Variants in RBFOX1 observed in about 807,000 individuals in gnomAD.
RBFOX1 encodes RNA binding fox-1 homolog 1, also known as RNA binding protein fox-1 homolog 1.
RBFOX1 carries 8 observed loss-of-function variants against 57.7 expected under a neutral mutation model. The ratio of observed to expected loss-of-function variants is 0.14; its 90% CI spans 0.08 to 0.25. The LOEUF (loss-of-function observed/expected upper bound fraction) is 0.25, where lower values mean the gene tolerates loss of function less well. RBFOX1 is among the 10% of genes least tolerant of loss of function. The probability of loss-of-function intolerance (pLI) is 1.00; values close to 1 mark genes in which losing one functional copy is unlikely to be tolerated. For missense variants in RBFOX1, 611 were observed against 548.5 expected (o/e 1.11, Z -1.14); for synonymous variants, 326 against 222.4 (o/e 1.47, Z -4.15).
intron 5 of RBFOX1, among the ~76,000 whole-genome samples, chr16:7,547,604 T>G (rs1299643028): frequency 2.0e-5 from 3 of 152,232 alleles, no homozygotes; most frequent in African/African-American, 7.2e-5. Flanking sequence ...CTGGCAGTGT[T>G]AGAATCAGGA....
intron 3 of RBFOX1, among the ~76,000 whole-genome samples, chr16:6,947,545 C>T (rs1330495317): frequency 6.6e-6 from 1 of 152,196 alleles, no homozygotes; most frequent in Non-Finnish European, 1.5e-5. Context: ...CCTCCTGAAA[C>T]ATGAATGGAC....
intron 4 of RBFOX1, among the ~76,000 whole-genome samples, chr16:7,370,522 C>T (rs996035042): frequency 1.7e-4 from 26 of 152,136 alleles, no homozygotes; most frequent in Admixed American, 9.2e-4. Context: ...TCTTCCCCCA[C>T]GCTCCCTCCC....
intron 10 of RBFOX1, 62 bp from the exon 11 acceptor site, chr16:7,630,541 G>T (rs1324446178): frequency 1.1e-5 from 18 of 1,605,462 alleles, no homozygotes; most frequent in East Asian, 2.2e-5. Context: ...GCATTGCCGT[G>T]ATCTCTCAGG....
At chr16:6,001,066 C>T (rs1238508799) in intron 4 of RBFOX1, among the ~76,000 whole-genome samples, 1 of 152,020 alleles carries the variant, frequency 6.6e-6, no homozygotes, top group East Asian at 1.9e-4. Context: ...GGTTGATGGA[C>T]AGATGGGTAG....
intron 4 of RBFOX1, among the ~76,000 whole-genome samples, chr16:7,392,979 T>G (rs2098066369): frequency 6.6e-6 from 1 of 152,128 alleles, no homozygotes; most frequent in Non-Finnish European, 1.5e-5. Context: ...GTTCCAGTGA[T>G]TTTCCTGCTT....
chr16:6,269,210 T>C (rs1263409858), intron 1 of RBFOX1, among the ~76,000 whole-genome samples: 2 of 152,328 alleles, frequency 1.3e-5, no homozygotes, highest in Non-Finnish European at 2.9e-5. Flanking sequence ...CTGTCTGATG[T>C]GATTGGTGAA....
intron 4 of RBFOX1, among the ~76,000 whole-genome samples, chr16:7,234,644 GTGTT>G (rs1323591639): frequency 3.4e-5 from 5 of 147,466 alleles, no homozygotes; most frequent in Middle Eastern, 3.3e-3. Flanking sequence ...GTATATGTGT[GTGTT>G]TGTGTGTATG....
chr16:5,554,729 G>C (rs2045604513), intron 2 of RBFOX1, among the ~76,000 whole-genome samples: 1 of 152,036 alleles, frequency 6.6e-6, no homozygotes, highest in African/African-American at 2.4e-5. Context: ...AACGTCTCAG[G>C]GATTATGAAT....
At chr16:6,399,970 C>T (rs2093002718) in intron 2 of RBFOX1, among the ~76,000 whole-genome samples, 1 of 152,224 alleles carries the variant, frequency 6.6e-6, no homozygotes, top group African/African-American at 2.4e-5. Flanking sequence ...GGGTAGCCAG[C>T]CCCACAATTC....
chr16:5,938,870 T>C, intron 4 of RBFOX1, among the ~76,000 whole-genome samples: 1 of 152,158 alleles, frequency 6.6e-6, no homozygotes, highest in Non-Finnish European at 1.5e-5. Context: ...AGAAAATAAA[T>C]GGTTATTGTT....
intron 1 of RBFOX1, among the ~76,000 whole-genome samples, chr16:6,225,278 C>G (rs1039596012): frequency 3.3e-5 from 5 of 151,996 alleles, no homozygotes; most frequent in East Asian, 1.9e-4. Flanking sequence ...AGCTTGGTAT[C>G]AAAAGCTGCA....
At chr16:7,399,739 CT>C (rs35401462) in intron 4 of RBFOX1, among the ~76,000 whole-genome samples, 119,580 of 151,950 alleles carry the variant, frequency 0.79, 47,196 homozygotes, top group Admixed American at 0.82. Flanking sequence ...ATATCAAGAT[CT>C]TTTAACTTGA....
At chr16:6,747,945 T>C (rs564772015) in intron 3 of RBFOX1, among the ~76,000 whole-genome samples, 9 of 152,336 alleles carry the variant, frequency 5.9e-5, no homozygotes, top group African/African-American at 1.9e-4. Context: ...ATCATGAGGA[T>C]TGGCCTTTGT....
intron 2 of RBFOX1, among the ~76,000 whole-genome samples, chr16:6,643,803 C>T (rs1474725840): frequency 6.8e-6 from 1 of 147,304 alleles, no homozygotes; most frequent in Admixed American, 7.0e-5. Context: ...TGAACTTATT[C>T]TCAAAATCTG....
intron 14 of RBFOX1, among the ~76,000 whole-genome samples, chr16:7,682,259 T>C (rs1431557495): frequency 6.6e-6 from 1 of 152,184 alleles, no homozygotes; most frequent in Non-Finnish European, 1.5e-5. Context: ...ATTTGCAGTC[T>C]CTGAGAAATC....
intron 4 of RBFOX1, among the ~76,000 whole-genome samples, chr16:7,090,937 G>A (rs1029724540): frequency 4.6e-5 from 7 of 152,076 alleles, no homozygotes; most frequent in Non-Finnish European, 7.4e-5. Flanking sequence ...ATTTAATTCC[G>A]CCAGGATTAG....
At chr16:6,767,351 GC>G (rs901739846) in intron 3 of RBFOX1, among the ~76,000 whole-genome samples, 15 of 152,014 alleles carry the variant, frequency 9.9e-5, no homozygotes, top group African/African-American at 3.6e-4. Context: ...CCATTTCTCT[GC>G]CCCCCTGAGA....
At chr16:6,047,513 C>T (rs1480645140) in intron 1 of RBFOX1, among the ~76,000 whole-genome samples, 1 of 152,198 alleles carries the variant, frequency 6.6e-6, no homozygotes, top group African/African-American at 2.4e-5. Context: ...GGGTGATGAG[C>T]ATGCAATGCC....
intron 3 of RBFOX1, among the ~76,000 whole-genome samples, chr16:6,758,338 C>T (rs935746690): frequency 2.6e-5 from 4 of 152,088 alleles, no homozygotes; most frequent in Non-Finnish European, 5.9e-5. Flanking sequence ...TAAACCACGA[C>T]ATAATAGATT....
Sources: allele counts gnomAD v4.1 joint callset (sites outside exome capture counted in the v4.1 genomes callset), GRCh38; gene constraint gnomAD v4.1.1; transcripts MANE v1.5; gene names NCBI Gene and HGNC (gene_info 2026-07-23, HGNC 2026-07-21).